The following TBC1D21 variants were observed in gnomAD, a reference collection of about 807,000 sequenced individuals.
TBC1D21 encodes the protein TBC1 domain family member 21.
In TBC1D21, 38 loss-of-function variants were observed where a neutral mutation model predicts 46.0. The ratio of observed to expected loss-of-function variants is 0.83; its 90% CI spans 0.64 to 1.08. TBC1D21 has a LOEUF of 1.08. Ranked by LOEUF, TBC1D21 falls within the 50% of genes least tolerant of loss-of-function variation. The pLI is 0.00. For synonymous variants in TBC1D21, 151 were observed against 157.2 expected (o/e 0.96, Z 0.29); for missense variants, 415 against 417.9 (o/e 0.99, Z 0.06).
the TBC1D21 span, among the ~76,000 whole-genome samples, chr15:73,902,389 G>A: frequency 2.0e-5 from 3 of 152,190 alleles, no homozygotes; most frequent in Non-Finnish European, 4.4e-5. Flanking sequence ...GAGCCCTATC[G>A]GCCTGAGGGT....
chr15:73,892,829 G>C (rs76857558), downstream of TBC1D21, among the ~76,000 whole-genome samples: 422 of 152,374 alleles, frequency 2.8e-3, no homozygotes, highest in African/African-American at 9.0e-3. Context: ...AAGCTGGAAA[G>C]GAATACCTCA....
chr15:73,904,527 C>T, the TBC1D21 span, among the ~76,000 whole-genome samples: 1 of 152,146 alleles, frequency 6.6e-6, no homozygotes, highest in Non-Finnish European at 1.5e-5. Flanking sequence ...AAAGAGTGAC[C>T]ATGGCCTCCC....
downstream of TBC1D21, among the ~76,000 whole-genome samples, chr15:73,891,829 A>T (rs1567071650): frequency 6.6e-6 from 1 of 152,198 alleles, no homozygotes; most frequent in African/African-American, 2.4e-5. Context: ...AGAGAGGCTG[A>T]GGGGGTGGGT....
At chr15:73,881,312 T>G (rs1192456245) in intron 1 of TBC1D21, 87 bp from the exon 2 acceptor site, 4 of 966,818 alleles carry the variant, frequency 4.1e-6, no homozygotes, top group Non-Finnish European at 6.4e-6. Flanking sequence ...TGATACATAT[T>G]GCAAAGTCCA....
Position 73,876,394 on chromosome 15 carries a change from A to ATT in TBC1D21, c.60+2629_60+2630dup, listed in dbSNP as rs535437036. Among the ~76,000 whole-genome samples the ATT allele has an allele frequency of 1.5e-3, 111 of 73,102 alleles. 3 individuals are homozygous for ATT. Among genetic ancestry groups the ATT allele is most frequent in the East Asian group, 9.2e-3 (36 of 3,934 alleles). 48.0% of individuals were successfully genotyped at this position (73,102 alleles called of 152,430 possible). On this transcript the variant is annotated intron_variant, in intron 1 of 10. Transcript: ENST00000300504. ...AGGTGCCCACTACAACACCCGGGTA[A>ATT]TTTTTGTTTTTTTTTTTTTGTATTT...
chr15:73,879,705 T>C (rs1023492808), intron 1 of TBC1D21, among the ~76,000 whole-genome samples: 3 of 152,198 alleles, frequency 2.0e-5, no homozygotes, highest in Non-Finnish European at 4.4e-5. Context: ...TATTCAGATG[T>C]ATACTAATGG....
At chr15:73,898,997 G>A in the TBC1D21 span, among the ~76,000 whole-genome samples, 5,895 of 149,566 alleles carry the variant, frequency 0.039, 387 homozygotes, top group African/African-American at 0.14. Flanking sequence ...TTGGCACAAT[G>A]TCTTCAAAAT....
chr15:73,882,080 C>T (rs2068165796), intron 3 of TBC1D21, among the ~76,000 whole-genome samples: 1 of 152,088 alleles, frequency 6.6e-6, no homozygotes, highest in South Asian at 2.1e-4. Context: ...ACCCTCTTCC[C>T]TGGGTGCCAC....
At chr15:73,881,935 C>T (rs1055665880) in intron 3 of TBC1D21, among the ~76,000 whole-genome samples, 188 bp downstream of exon 3, 33 of 152,238 alleles carry the variant, frequency 2.2e-4, no homozygotes, top group African/African-American at 7.7e-4. Context: ...TCTCCCTGAG[C>T]TCCATTTACC....
Position 73,886,498 on chromosome 15 carries a change from T to TTC in TBC1D21, c.677-9_677-8dup, listed in dbSNP as rs755139721. 7 of 1,612,622 alleles carry TTC rather than the reference T, an allele frequency of 4.3e-6. No individual in the cohort carries two copies. The highest frequency in any genetic ancestry group is 3.3e-5 in the Admixed American group (2 of 60,000). The stretch of plus-strand genomic sequence containing the variant: ...GTTTTCCCCTGACCACAGCCTCACC[T>TTC]TCTCTCCCCACAGAAGGGAAGGGTG... On this transcript the variant is annotated splice_polypyrimidine_tract_variant and intron_variant, in intron 7 of 10. Coordinates refer to ENST00000300504, the MANE Select transcript of TBC1D21 (RefSeq NM_153356.3).
At position 73,887,640 on chromosome 15, in the gene TBC1D21, C is replaced by G; in HGVS notation, c.798C>G (p.Pro266=). ...RLWEVLLTGK[P]CRNFQVLVAY... ...CACAGGTTCTGCTGACGGGGAAGCC[C>G]TGCAGGAACTTCCAGGTGCTGGTGG... is the stretch of plus-strand genomic sequence containing the variant. The change falls in exon 9 of 11, where the codon CCC becomes CCG. Residue 266 remains proline (P), a synonymous_variant. Transcript: ENST00000300504. 6.2e-7 allele frequency: 1 copy of G among 1,614,066 alleles called. No individual in the cohort carries two copies. The highest frequency in any genetic ancestry group is 1.1e-5 in the South Asian group (1 of 91,076).
chr15:73,873,957 C>T (rs973302742), intron 1 of TBC1D21, among the ~76,000 whole-genome samples, 188 bp downstream of exon 1: 1 of 152,220 alleles, frequency 6.6e-6, no homozygotes, highest in Admixed American at 6.5e-5. Flanking sequence ...CCCCTTTCAC[C>T]TTCTTTCCAA....
the TBC1D21 span, among the ~76,000 whole-genome samples, chr15:73,898,725 G>T: frequency 4.0e-5 from 6 of 151,010 alleles, no homozygotes; most frequent in African/African-American, 1.5e-4. Context: ...TTAGCCAGGC[G>T]TGGTGGCATG....
chr15:73,885,149 A>C, intron 6 of TBC1D21, 46 bp downstream of exon 6: 2 of 1,514,788 alleles, frequency 1.3e-6, no homozygotes, highest in Non-Finnish European at 1.8e-6. Context: ...CCAACCCCCC[A>C]CTACTCCCCA....
chr15:73,898,576 A>G, the TBC1D21 span, among the ~76,000 whole-genome samples: 1 of 152,078 alleles, frequency 6.6e-6, no homozygotes, highest in Non-Finnish European at 1.5e-5. Context: ...ATATTGTTTC[A>G]ATGTGGGCTG....
intron 3 of TBC1D21, 60 bp downstream of exon 3, chr15:73,881,807 T>C: frequency 6.9e-7 from 1 of 1,455,682 alleles, no homozygotes; most frequent in Non-Finnish European, 9.5e-7. Flanking sequence ...AGGTGCTGCC[T>C]CCCCAGCCTG....
intron 6 of TBC1D21, 83 bp from the exon 7 acceptor site, chr15:73,885,995 G>C: frequency 8.6e-7 from 1 of 1,161,578 alleles, no homozygotes; most frequent in Non-Finnish European, 1.3e-6. Flanking sequence ...GCCTCCAGAA[G>C]TGAAGCTGGG....
At chr15:73,898,262 G>A in the TBC1D21 span, among the ~76,000 whole-genome samples, 1 of 152,220 alleles carries the variant, frequency 6.6e-6, no homozygotes, top group Admixed American at 6.5e-5. Context: ...CATGCCCTCT[G>A]GCCACAGGGC....
chr15:73,890,836 G>T (rs1047135723), downstream of TBC1D21, among the ~76,000 whole-genome samples: 13 of 152,156 alleles, frequency 8.5e-5, no homozygotes, highest in Admixed American at 2.0e-4. Context: ...GATGAAGTTT[G>T]GGTGCAGATC....
Sources: allele counts gnomAD v4.1 joint callset (sites outside exome capture counted in the v4.1 genomes callset), GRCh38; gene constraint gnomAD v4.1.1; transcripts MANE v1.5; gene names NCBI Gene and HGNC (gene_info 2026-07-23, HGNC 2026-07-21).